TRPC4: variants seen among roughly 807,000 people sequenced by gnomAD.
The protein encoded by TRPC4 is short transient receptor potential channel 4.
TRPC4 carries 49 observed loss-of-function variants against 99.4 expected under a neutral mutation model. The ratio of observed to expected loss-of-function variants is 0.49; its 90% confidence interval spans 0.39 to 0.63. The LOEUF (loss-of-function observed/expected upper bound fraction) is 0.63, where lower values mean the gene tolerates loss of function less well. Ranked by LOEUF, TRPC4 falls within the 20% of genes least tolerant of loss-of-function variation. The pLI is 0.00. For synonymous variants in TRPC4, 454 were observed against 425.9 expected (o/e 1.07, Z -0.81); for missense variants, 898 against 1,152.9 (o/e 0.78, Z 3.20).
intron 1 of TRPC4, among the ~76,000 whole-genome samples, chr13:37,839,726 A>C (rs1403274407): frequency 1.3e-5 from 2 of 152,170 alleles, no homozygotes; most frequent in Non-Finnish European, 2.9e-5. Context: ...GAATATGAGG[A>C]TCAAGATTCA....
At chr13:37,740,565 T>G (rs978231509) in intron 3 of TRPC4, among the ~76,000 whole-genome samples, 1 of 152,178 alleles carries the variant, frequency 6.6e-6, no homozygotes, top group Non-Finnish European at 1.5e-5. Context: ...ATTTAACTGC[T>G]TTAGCACTCT....
chr13:37,721,834 G>A (rs982555141), intron 3 of TRPC4, among the ~76,000 whole-genome samples: 1 of 151,590 alleles, frequency 6.6e-6, no homozygotes, highest in South Asian at 2.1e-4. Context: ...ATGGAGTTTC[G>A]CTATGCTACT....
At chr13:37,660,946 T>C (rs1952417249) in intron 6 of TRPC4, among the ~76,000 whole-genome samples, 1 of 152,208 alleles carries the variant, frequency 6.6e-6, no homozygotes, top group African/African-American at 2.4e-5. Flanking sequence ...GACAGGTGAC[T>C]TAAGCCTAGG....
chr13:37,767,032 C>A (rs947020795), intron 2 of TRPC4, among the ~76,000 whole-genome samples: 6 of 151,210 alleles, frequency 4.0e-5, no homozygotes, highest in Non-Finnish European at 8.9e-5. Context: ...AAGAACTAGT[C>A]TATTGAGTGG....
intron 2 of TRPC4, among the ~76,000 whole-genome samples, chr13:37,747,347 C>T (rs989781952): frequency 4.6e-5 from 7 of 152,182 alleles, no homozygotes; most frequent in African/African-American, 1.7e-4. Flanking sequence ...ACTTTAAAGA[C>T]CTTATATAAT....
chr13:37,720,302 C>T (rs1028650782), intron 3 of TRPC4, among the ~76,000 whole-genome samples: 3 of 152,062 alleles, frequency 2.0e-5, no homozygotes, highest in African/African-American at 7.2e-5. Context: ...ATTCTGAAAG[C>T]AACCACTAAA....
intron 4 of TRPC4, among the ~76,000 whole-genome samples, chr13:37,691,250 C>T (rs1336438148): frequency 6.6e-6 from 1 of 152,008 alleles, no homozygotes; most frequent in Non-Finnish European, 1.5e-5. Context: ...TACAGGCGCC[C>T]GCCACCACGC....
chr13:37,651,168 A>G (rs1952032546), intron 8 of TRPC4, 97 bp downstream of exon 8: 1 of 1,407,422 alleles, frequency 7.1e-7, no homozygotes, highest in African/African-American at 1.4e-5. Context: ...CAGTAAGAAC[A>G]AAAAGGCTAA....
intron 3 of TRPC4, among the ~76,000 whole-genome samples, chr13:37,718,554 A>G (rs1468652549): frequency 1.3e-5 from 2 of 152,146 alleles, no homozygotes; most frequent in Non-Finnish European, 1.5e-5. Context: ...AAATGAAAAC[A>G]TAAGAAATCT....
In TRPC4 at chr13:37,825,161, CT is replaced by C. The variant is rs879600610; in HGVS notation, c.-27-41802del. ...TATTGCATCTATTTGATTCTTCTCTCTTTTTTTCTTTAGTAGTCTTGCTAGT... is the reference window on the plus strand; with the variant it reads ...TATTGCATCTATTTGATTCTTCTCTCTTTTTTCTTTAGTAGTCTTGCTAGT... On this transcript the variant is annotated intron_variant, in intron 1 of 10. Coordinates refer to ENST00000379705, the MANE Select transcript of TRPC4 (RefSeq NM_016179.4). 3.6e-3 allele frequency among the ~76,000 whole-genome samples: 547 copies of C among 152,178 alleles called. 1 individual carries two copies. The highest frequency in any genetic ancestry group is 5.8e-3 in the Non-Finnish European group (397 of 68,024).
At chr13:37,844,703 C>G (rs192979225) in intron 1 of TRPC4, among the ~76,000 whole-genome samples, 1 of 152,006 alleles carries the variant, frequency 6.6e-6, no homozygotes, top group Non-Finnish European at 1.5e-5. Flanking sequence ...AGTGAGTACC[C>G]GTGAATAGAT....
chr13:37,733,041 G>A (rs1955287073), intron 3 of TRPC4, among the ~76,000 whole-genome samples: 1 of 151,400 alleles, frequency 6.6e-6, no homozygotes, highest in South Asian at 2.1e-4. Context: ...GGGATGCCAA[G>A]GTGGGTGGAT....
intron 2 of TRPC4, among the ~76,000 whole-genome samples, chr13:37,752,260 G>A (rs7320581): frequency 0.028 from 4,180 of 151,324 alleles, 183 homozygotes; most frequent in African/African-American, 0.096. Flanking sequence ...GACATACTTG[G>A]AGCAGAAAAC....
intron 2 of TRPC4, among the ~76,000 whole-genome samples, chr13:37,758,908 G>T (rs888931530): frequency 2.0e-5 from 3 of 151,426 alleles, no homozygotes; most frequent in Admixed American, 6.6e-5. Flanking sequence ...TCAGAATTAT[G>T]TTGATTTTTC....
At chr13:37,836,042 G>A (rs1225001609) in intron 1 of TRPC4, among the ~76,000 whole-genome samples, 1 of 152,078 alleles carries the variant, frequency 6.6e-6, no homozygotes, top group African/African-American at 2.4e-5. Flanking sequence ...TAGTGAATAA[G>A]TCTCAAGAGA....
intron 3 of TRPC4, among the ~76,000 whole-genome samples, chr13:37,728,878 A>G (rs1955152916): frequency 6.6e-6 from 1 of 152,160 alleles, no homozygotes; most frequent in Non-Finnish European, 1.5e-5. Flanking sequence ...GAGCCCTCAC[A>G]TATGTGATCA....
intron 1 of TRPC4, among the ~76,000 whole-genome samples, chr13:37,830,016 G>C (rs1299054888): frequency 6.6e-6 from 1 of 152,160 alleles, no homozygotes; most frequent in East Asian, 1.9e-4. Context: ...AATTGGGAGT[G>C]ACTGCTAATG....
intron 1 of TRPC4, among the ~76,000 whole-genome samples, chr13:37,810,418 A>G (rs1478071418): frequency 6.6e-6 from 1 of 152,070 alleles, no homozygotes; most frequent in East Asian, 1.9e-4. Context: ...TAAATCTCTC[A>G]CTGTCTTGAT....
chr13:37,788,728 C>T (rs922856186), intron 1 of TRPC4, among the ~76,000 whole-genome samples: 1 of 152,062 alleles, frequency 6.6e-6, no homozygotes, highest in Non-Finnish European at 1.5e-5. Flanking sequence ...TCATCACTTG[C>T]TGTTTAAAAT....
Sources: allele counts gnomAD v4.1 joint callset (sites outside exome capture counted in the v4.1 genomes callset), GRCh38; gene constraint gnomAD v4.1.1; transcripts MANE v1.5; gene names NCBI Gene and HGNC (gene_info 2026-07-23, HGNC 2026-07-21).